The following PLD1 variants were observed in gnomAD, a reference collection of about 807,000 sequenced individuals.
The protein encoded by PLD1 is choline phosphatase 1.
A neutral mutation model predicts 137.1 loss-of-function variants in PLD1; 112 were observed. That is an observed-to-expected ratio of 0.82 (90% confidence interval 0.70 to 0.96). PLD1 has a LOEUF of 0.96. Among genes scored for constraint, PLD1 ranks in the 40% least tolerant of loss-of-function variants. The pLI, the probability that PLD1 is intolerant of heterozygous loss-of-function variation, is 0.00. For missense variants in PLD1, 1,321 were observed against 1,342.0 expected, an observed-to-expected ratio of 0.98 and a Z score of 0.24; for synonymous variants, 431 against 454.7, an observed-to-expected ratio of 0.95 and a Z score of 0.66.
At chr3:171,798,859 G>C (rs994516321) in intron 1 of PLD1, among the ~76,000 whole-genome samples, 1 of 152,114 alleles carries the variant, frequency 6.6e-6, no homozygotes, top group East Asian at 1.9e-4. Context: ...GCCATGCTGG[G>C]ATGGGCCTCA....
chr3:171,635,976 T>TTTTTTTTTTTTTTTTTG (rs1475107597), intron 23 of PLD1, among the ~76,000 whole-genome samples: 1 of 69,766 alleles, frequency 1.4e-5, no homozygotes, highest in African/African-American at 7.4e-5. Flanking sequence ...TTTTTTTTTT[T>TTTTTTTTTTTTTTTTTG]TTTTTTTTTT....
intron 16 of PLD1, among the ~76,000 whole-genome samples, chr3:171,682,258 T>TG (rs1165196117): frequency 7.9e-5 from 12 of 152,290 alleles, no homozygotes; most frequent in African/African-American, 2.9e-4. Flanking sequence ...TAATTCTGAA[T>TG]GAAAAAAAAT....
chr3:171,748,027 A>G (rs1720373672), intron 1 of PLD1, among the ~76,000 whole-genome samples: 1 of 152,232 alleles, frequency 6.6e-6, no homozygotes, highest in African/African-American at 2.4e-5. Context: ...CTCTCTCAAC[A>G]TTACTAAATG....
chr3:171,708,851 T>G lies in PLD1; in HGVS notation c.1062-13A>C. ...GGCATTAACATACCTGAAAGACAAG[T>G]TTATTGTTCCTTTTTGTTATTAAAA... On this transcript the variant is annotated splice_polypyrimidine_tract_variant and intron_variant, in intron 10 of 26. Transcript: ENST00000351298. 6.8e-7 allele frequency: 1 copy of G among 1,471,632 alleles called. No individual in the cohort carries two copies. Among genetic ancestry groups the G allele is most frequent in the African/African-American group, 1.4e-5 (1 of 72,008 alleles). The allele number at this position is 1,471,632 out of a possible 1,614,324, so 91.2% of individuals were successfully genotyped here.
At chr3:171,615,590 A>G (rs1056481418) in intron 24 of PLD1, among the ~76,000 whole-genome samples, 3 of 152,220 alleles carry the variant, frequency 2.0e-5, no homozygotes, top group Non-Finnish European at 4.4e-5. Flanking sequence ...CAACAAAAAA[A>G]GAGTTTACTT....
intron 23 of PLD1, among the ~76,000 whole-genome samples, chr3:171,642,630 G>A (rs748590562): frequency 6.6e-6 from 1 of 151,598 alleles, no homozygotes; most frequent in Non-Finnish European, 1.5e-5. Flanking sequence ...AAAGATGCTC[G>A]GTTTTTATTA....
chr3:171,675,998 A>G (rs1385312714), intron 18 of PLD1, among the ~76,000 whole-genome samples: 1 of 151,964 alleles, frequency 6.6e-6, no homozygotes. Flanking sequence ...ACCCACCACC[A>G]TGCCCAGCTA....
At chr3:171,738,117 AT>A (rs890949117) in intron 1 of PLD1, 35 bp from the exon 2 acceptor site, 4 of 1,284,636 alleles carry the variant, frequency 3.1e-6, no homozygotes, top group African/African-American at 3.0e-5. Flanking sequence ...AAGACTTAGC[AT>A]TTTGATAACA....
intron 1 of PLD1, among the ~76,000 whole-genome samples, chr3:171,798,196 T>G (rs910752122): frequency 2.0e-5 from 3 of 152,202 alleles, no homozygotes; most frequent in Admixed American, 6.5e-5. Context: ...AACTAAATGA[T>G]AAGGGAGTGC....
chr3:171,763,096 C>T (rs1265821338), intron 1 of PLD1, among the ~76,000 whole-genome samples: 1 of 152,022 alleles, frequency 6.6e-6, no homozygotes, highest in Non-Finnish European at 1.5e-5. Context: ...CATACCACAG[C>T]AAATTGTCTT....
chr3:171,775,686 T>C (rs763680486), intron 1 of PLD1, among the ~76,000 whole-genome samples: 2 of 151,952 alleles, frequency 1.3e-5, no homozygotes, highest in Non-Finnish European at 2.9e-5. Context: ...CTACTAAAAA[T>C]ACAAAAATTA....
At chr3:171,800,338 A>G (rs1723595091) in intron 1 of PLD1, among the ~76,000 whole-genome samples, 1 of 151,930 alleles carries the variant, frequency 6.6e-6, no homozygotes, top group Non-Finnish European at 1.5e-5. Context: ...CCTCCCAAGT[A>G]GCTGTGATTA....
intron 16 of PLD1, among the ~76,000 whole-genome samples, chr3:171,680,631 G>A (rs1416741579): frequency 2.0e-5 from 3 of 152,128 alleles, no homozygotes; most frequent in Non-Finnish European, 4.4e-5. Flanking sequence ...TGCCTCACTT[G>A]ACATTGTTTA....
At chr3:171,717,959 T>C (rs989574424) in intron 8 of PLD1, among the ~76,000 whole-genome samples, 1 of 152,220 alleles carries the variant, frequency 6.6e-6, no homozygotes, top group Non-Finnish European at 1.5e-5. Flanking sequence ...CTATCAAAAG[T>C]CTTTCCTGCA....
At chr3:171,683,179 C>CA (rs1714183323) in intron 16 of PLD1, among the ~76,000 whole-genome samples, 1 of 152,192 alleles carries the variant, frequency 6.6e-6, no homozygotes, top group Non-Finnish European at 1.5e-5. Flanking sequence ...CCATCTCTCA[C>CA]ATCTTGTATC....
intron 1 of PLD1, among the ~76,000 whole-genome samples, chr3:171,754,809 A>G (rs73879824): frequency 0.038 from 5,731 of 152,286 alleles, 377 homozygotes; most frequent in African/African-American, 0.13. Context: ...AGGGCTTATG[A>G]CAAAATGACC....
intron 1 of PLD1, among the ~76,000 whole-genome samples, chr3:171,742,873 A>G (rs1424477551): frequency 2.0e-5 from 3 of 152,246 alleles, no homozygotes; most frequent in Non-Finnish European, 4.4e-5. Context: ...AACATATTTT[A>G]CATTCCAGAC....
intron 13 of PLD1, among the ~76,000 whole-genome samples, 165 bp downstream of exon 13, chr3:171,692,167 A>T (rs1715227266): frequency 6.6e-6 from 1 of 152,238 alleles, no homozygotes; most frequent in Admixed American, 6.5e-5. Flanking sequence ...AATGTAGGGA[A>T]GATAAGAAAG....
At chr3:171,752,680 G>A (rs907370004) in intron 1 of PLD1, among the ~76,000 whole-genome samples, 16 of 152,188 alleles carry the variant, frequency 1.1e-4, no homozygotes, top group African/African-American at 3.9e-4. Flanking sequence ...TTTAGTATTT[G>A]TTGAGAAGAA....
Sources: gnomAD v4.1 joint callset for allele counts (sites outside exome capture counted in the v4.1 genomes callset) on GRCh38, gnomAD v4.1.1 for gene constraint, MANE v1.5 for transcripts, NCBI Gene and HGNC (gene_info 2026-07-23, HGNC 2026-07-21) for gene names.